RCOR1: variants seen among roughly 807,000 people sequenced by gnomAD.
The protein encoded by RCOR1 is REST corepressor 1, also known as REST corepressor.
RCOR1 carries 12 observed loss-of-function variants against 64.0 expected under a neutral mutation model. That is an observed-to-expected ratio of 0.19 (90% CI 0.12 to 0.30). The LOEUF (loss-of-function observed/expected upper bound fraction) is 0.30, where lower values mean the gene tolerates loss of function less well. RCOR1 is among the 10% of genes least tolerant of loss of function. The probability of loss-of-function intolerance (pLI) is 1.00; values close to 1 mark genes in which losing one functional copy is unlikely to be tolerated. For missense variants in RCOR1, 502 were observed against 621.2 expected (o/e 0.81, Z 2.04); for synonymous variants, 279 against 227.2 (o/e 1.23, Z -2.05).
intron 3 of RCOR1, among the ~76,000 whole-genome samples, chr14:102,695,004 G>A (rs1172473872): frequency 1.3e-5 from 2 of 152,134 alleles, no homozygotes; most frequent in African/African-American, 4.8e-5. Context: ...CCCACCATAT[G>A]GTGCCAGCCT....
At chr14:102,687,897 G>A (rs192149170) in intron 3 of RCOR1, among the ~76,000 whole-genome samples, 1 of 152,108 alleles carries the variant, frequency 6.6e-6, no homozygotes. Flanking sequence ...GTGGAAGAAT[G>A]AGTAGGAGTT....
At chr14:102,668,663 T>G (rs1894967008) in intron 2 of RCOR1, among the ~76,000 whole-genome samples, 1 of 152,084 alleles carries the variant, frequency 6.6e-6, no homozygotes, top group Non-Finnish European at 1.5e-5. Context: ...CTAGTGGGAG[T>G]ATACATACCC....
chr14:102,708,110 C>T (rs570079236), intron 5 of RCOR1, among the ~76,000 whole-genome samples: 9 of 152,074 alleles, frequency 5.9e-5, no homozygotes, highest in Admixed American at 2.0e-4. Context: ...GGACTATAGG[C>T]GCCCGCTACC....
At chr14:102,676,190 A>C (rs1895146656) in intron 2 of RCOR1, among the ~76,000 whole-genome samples, 2 of 149,576 alleles carry the variant, frequency 1.3e-5, no homozygotes, top group African/African-American at 5.0e-5. Context: ...CAAAACCGCC[A>C]TTGTCATCAT....
intron 6 of RCOR1, 144 bp from the exon 7 acceptor site, chr14:102,710,791 G>GA (rs2139987145): frequency 1.6e-6 from 1 of 645,014 alleles, no homozygotes. Context: ...TCAGCAGCCT[G>GA]AAAACATACT....
intron 7 of RCOR1, among the ~76,000 whole-genome samples, chr14:102,713,247 C>G (rs1405265830): frequency 2.7e-5 from 4 of 150,908 alleles, no homozygotes; most frequent in African/African-American, 4.9e-5. Flanking sequence ...AGCCACCACA[C>G]CTGGCCCGTA....
At chr14:102,658,350 A>T (rs1323583265) in intron 2 of RCOR1, 1 of 211,606 alleles carries the variant, frequency 4.7e-6, no homozygotes, top group Non-Finnish European at 8.2e-6. Context: ...ACGGTGGCTC[A>T]TGCCTGTAAT....
At chr14:102,690,355 A>C (rs993263178) in intron 3 of RCOR1, among the ~76,000 whole-genome samples, 2 of 152,180 alleles carry the variant, frequency 1.3e-5, no homozygotes, top group African/African-American at 4.8e-5. Flanking sequence ...AGAGCATCCC[A>C]GTAGCTTTTC....
chr14:102,606,685 G>A (rs1327749750), intron 2 of RCOR1, among the ~76,000 whole-genome samples: 1 of 150,182 alleles, frequency 6.7e-6, no homozygotes, highest in Non-Finnish European at 1.5e-5. Flanking sequence ...AGGCTGGAGT[G>A]CAGTGGCGGG....
chr14:102,692,720 C>CCTTCCTTCCTTCCTTT, intron 3 of RCOR1, among the ~76,000 whole-genome samples: 1 of 136,138 alleles, frequency 7.3e-6, no homozygotes. Flanking sequence ...CTCCTTCCTT[C>CCTTCCTTCCTTCCTTT]CTTCCTTCCT....
chr14:102,611,164 A>G (rs1179130883), intron 2 of RCOR1, among the ~76,000 whole-genome samples: 2 of 151,552 alleles, frequency 1.3e-5, no homozygotes, highest in African/African-American at 4.9e-5. Context: ...CCGCCCCCAC[A>G]CCATTCAGGC....
chr14:102,658,455 T>C, intron 2 of RCOR1: 1 of 919,320 alleles, frequency 1.1e-6, no homozygotes, highest in South Asian at 5.0e-5. Flanking sequence ...ACCATTGCAC[T>C]CCAGGCTGGG....
chr14:102,676,251 C>T (rs946455897), intron 2 of RCOR1, among the ~76,000 whole-genome samples: 7 of 150,126 alleles, frequency 4.7e-5, no homozygotes, highest in Non-Finnish European at 7.4e-5. Flanking sequence ...GGGTCGTGGC[C>T]GGGCAGAGGG....
chr14:102,610,168 C>T (rs1036120742), intron 2 of RCOR1, among the ~76,000 whole-genome samples: 26 of 151,094 alleles, frequency 1.7e-4, no homozygotes, highest in African/African-American at 4.4e-4. Flanking sequence ...TTAAGTCAAG[C>T]CTTAAAACGT....
In RCOR1 at chr14:102,728,138, G is replaced by T. The variant is rs931804508; in HGVS notation, c.*1632G>T. ...AGCTGATTTTCTCTTTAGAAAGAGGGTCAGCTAGAAACCTAGGTTTTTTGG... is the reference window on the plus strand; with the variant it reads ...AGCTGATTTTCTCTTTAGAAAGAGGTTCAGCTAGAAACCTAGGTTTTTTGG... On this transcript the variant is annotated 3_prime_UTR_variant, in exon 12 of 12. Coordinates refer to ENST00000262241, the MANE Select transcript of RCOR1 (RefSeq NM_015156.4). The T allele has an allele frequency of 6.6e-6, 1 of 152,576 alleles. No homozygotes were observed. Among genetic ancestry groups the T allele is most frequent in the African/African-American group, 2.4e-5 (1 of 41,442 alleles). 9.5% of individuals were successfully genotyped at this position (152,576 alleles called of 1,614,324 possible).
chr14:102,632,559 T>G (rs1015470481), intron 2 of RCOR1, among the ~76,000 whole-genome samples: 3 of 152,016 alleles, frequency 2.0e-5, no homozygotes, highest in Admixed American at 6.6e-5. Context: ...TTCTTTTTTC[T>G]TTTTTCCCCC....
At chr14:102,689,374 C>T (rs193213157) in intron 3 of RCOR1, among the ~76,000 whole-genome samples, 3 of 151,926 alleles carry the variant, frequency 2.0e-5, no homozygotes, top group East Asian at 1.9e-4. Context: ...AGGGGAAGCT[C>T]GGGTATAGCC....
At position 102,648,668 on chromosome 14, in the gene RCOR1, A is replaced by G. The variant is rs557679208; in HGVS notation, c.362-33227A>G. Among the ~76,000 whole-genome samples, 5 of 152,264 alleles carry G rather than the reference A, an allele frequency of 3.3e-5. No individual in the cohort carries two copies. In the South Asian group the frequency reaches 1.0e-3, roughly 32 times the overall value. ...TGCCTACACATATATATAACCATGA[A>G]TTTTACCACAAATGCCACCATTTTG... is the stretch of plus-strand genomic sequence containing the variant. On this transcript the variant is annotated intron_variant, in intron 2 of 11. Coordinates refer to ENST00000262241, the MANE Select transcript of RCOR1 (RefSeq NM_015156.4).
rs192760193 is a variant in RCOR1 at position 102,668,669 on chromosome 14, T to A, written c.362-13226T>A. ...GGGGCGGTGCTAGTGGGAGTATACA[T>A]ACCCCTCGTTAACCACCTGTGATGT... On this transcript the variant is annotated intron_variant, in intron 2 of 11. Coordinates refer to ENST00000262241, the MANE Select transcript of RCOR1 (RefSeq NM_015156.4). Among the ~76,000 whole-genome samples, 3 of 152,292 alleles carry A rather than the reference T, an allele frequency of 2.0e-5. No homozygotes were observed. The East Asian group carries it at 5.8e-4, about 29-fold the overall frequency.
Sources: allele counts gnomAD v4.1 joint callset (sites outside exome capture counted in the v4.1 genomes callset), GRCh38; gene constraint gnomAD v4.1.1; transcripts MANE v1.5; gene names NCBI Gene and HGNC (gene_info 2026-07-23, HGNC 2026-07-21).